Variants in GRM5 observed in about 807,000 individuals in gnomAD.
GRM5 encodes the protein glutamate metabotropic receptor 5, also known as metabotropic glutamate receptor 5.
GRM5 carries 19 observed loss-of-function variants against 83.1 expected under a neutral mutation model. The ratio of observed to expected loss-of-function variants is 0.23; its 90% confidence interval spans 0.16 to 0.34. GRM5 has a LOEUF of 0.34. Ranked by LOEUF, GRM5 falls within the 10% of genes least tolerant of loss-of-function variation. The pLI, the probability that GRM5 is intolerant of heterozygous loss-of-function variation, is 1.00. For missense variants in GRM5, 1,160 were observed against 1,588.3 expected, an observed-to-expected ratio of 0.73 and a Z score of 4.58; for synonymous variants, 675 against 633.6, an observed-to-expected ratio of 1.07 and a Z score of -0.98.
chr11:88,543,633 CT>C (rs57828466), intron 8 of GRM5, among the ~76,000 whole-genome samples: 3,128 of 133,736 alleles, frequency 0.023, 25 homozygotes, highest in Middle Eastern at 0.044. Flanking sequence ...TCATGTTATC[CT>C]TTTTTTTTTT....
chr11:88,683,292 T>C (rs1292931159), intron 3 of GRM5, among the ~76,000 whole-genome samples: 2 of 152,218 alleles, frequency 1.3e-5, no homozygotes, highest in East Asian at 3.8e-4. Flanking sequence ...TGATGTTTCC[T>C]GATTACTTGG....
At chr11:88,733,385 G>A (rs1555003928) in intron 3 of GRM5, among the ~76,000 whole-genome samples, 2 of 151,962 alleles carry the variant, frequency 1.3e-5, no homozygotes, top group Non-Finnish European at 2.9e-5. Context: ...AATTTTTCAA[G>A]TTTATATATA....
intron 2 of GRM5, among the ~76,000 whole-genome samples, chr11:89,001,914 A>G (rs896550014): frequency 7.2e-5 from 11 of 152,168 alleles, no homozygotes; most frequent in Non-Finnish European, 1.3e-4. Context: ...TTAAAACAAA[A>G]ATACTAAATC....
At chr11:88,629,268 T>C (rs549607364) in intron 4 of GRM5, among the ~76,000 whole-genome samples, 7 of 152,206 alleles carry the variant, frequency 4.6e-5, no homozygotes, top group Non-Finnish European at 1.0e-4. Flanking sequence ...TAGAATTCCA[T>C]GGCAGGGCTA....
chr11:88,569,487 A>T (rs573143086), intron 7 of GRM5, among the ~76,000 whole-genome samples: 4 of 152,368 alleles, frequency 2.6e-5, no homozygotes, highest in Admixed American at 1.3e-4. Flanking sequence ...TTGCTGTGAA[A>T]TGTGGCATAG....
At chr11:88,690,796 T>C (rs1246306595) in intron 3 of GRM5, among the ~76,000 whole-genome samples, 2 of 152,214 alleles carry the variant, frequency 1.3e-5, no homozygotes, top group Non-Finnish European at 2.9e-5. Context: ...ACAAGGTTTC[T>C]TGGCCAGAGG....
chr11:88,995,300 A>ATGC (rs1354985270), intron 2 of GRM5, among the ~76,000 whole-genome samples: 1 of 152,074 alleles, frequency 6.6e-6, no homozygotes, highest in African/African-American at 2.4e-5. Flanking sequence ...TAATCCCAGC[A>ATGC]CTTCGGGAGG....
chr11:88,703,064 C>T (rs1203436715), intron 3 of GRM5, among the ~76,000 whole-genome samples: 2 of 142,558 alleles, frequency 1.4e-5, no homozygotes, highest in Non-Finnish European at 3.1e-5. Context: ...ACTTAATTAG[C>T]AAATATTTTC....
At chr11:88,683,515 T>C (rs1940547073) in intron 3 of GRM5, among the ~76,000 whole-genome samples, 2 of 152,246 alleles carry the variant, frequency 1.3e-5, no homozygotes, top group African/African-American at 2.4e-5. Context: ...TGATAAGCTA[T>C]GCATGGAACT....
rs532119536 is a variant in GRM5 at position 88,811,946 on chromosome 11, C to T, written c.911+37960G>A. Among the ~76,000 whole-genome samples, 13 of 152,052 alleles carry T rather than the reference C, an allele frequency of 8.5e-5. No homozygotes were observed. The East Asian group carries it at 1.9e-3, about 23-fold the overall frequency. On this transcript the variant is annotated intron_variant, in intron 3 of 9. Coordinates refer to ENST00000305447, the MANE Select transcript of GRM5 (RefSeq NM_001143831.3). ...TCCCAAAAAAGGCTTTTCTCTGCAG[C>T]GTAGAGGGTAGAATTAGGTCAGTTA...
At chr11:88,582,267 A>G (rs534777598) in intron 7 of GRM5, among the ~76,000 whole-genome samples, 5 of 152,332 alleles carry the variant, frequency 3.3e-5, no homozygotes, top group African/African-American at 9.6e-5. Context: ...TTGGAACTCA[A>G]ATATGTGCTA....
intron 2 of GRM5, among the ~76,000 whole-genome samples, chr11:88,916,713 A>G (rs1225291224): frequency 6.6e-6 from 1 of 151,406 alleles, no homozygotes; most frequent in Admixed American, 6.6e-5. Flanking sequence ...CCCTCCCCCA[A>G]CTCTGGCAAC....
intron 3 of GRM5, among the ~76,000 whole-genome samples, chr11:88,757,154 GGAA>G (rs1942411187): frequency 6.6e-6 from 1 of 151,000 alleles, no homozygotes; most frequent in Non-Finnish European, 1.5e-5. Context: ...AGCAGTCAAA[GGAA>G]AAAAAACCGA....
chr11:88,880,296 A>G (rs1250277286), intron 2 of GRM5, among the ~76,000 whole-genome samples: 1 of 152,192 alleles, frequency 6.6e-6, no homozygotes, highest in African/African-American at 2.4e-5. Context: ...AGAGCACATG[A>G]ATAAATAAAA....
intron 2 of GRM5, among the ~76,000 whole-genome samples, chr11:88,877,632 G>A (rs1379307250): frequency 6.6e-6 from 1 of 151,858 alleles, no homozygotes; most frequent in Non-Finnish European, 1.5e-5. Flanking sequence ...ACCAGCCTGG[G>A]CAACATGGCA....
At chr11:88,875,085 T>TTA (rs1161072226) in intron 2 of GRM5, among the ~76,000 whole-genome samples, 3 of 151,306 alleles carry the variant, frequency 2.0e-5, no homozygotes, top group Non-Finnish European at 4.4e-5. Flanking sequence ...ATTGACTGTT[T>TTA]TTTTTTTTTC....
At chr11:88,704,949 TC>T (rs1941120378) in intron 3 of GRM5, among the ~76,000 whole-genome samples, 1 of 152,072 alleles carries the variant, frequency 6.6e-6, no homozygotes, top group Admixed American at 6.6e-5. Context: ...CTACCTCTTT[TC>T]CTTTATTTTG....
rs762059228 is a variant in GRM5 at position 88,653,192 on chromosome 11, T to C, written c.1123A>G (p.Ser375Gly). Residue 375 changes from serine (S) to glycine (G), a missense_variant, in exon 4 of 10, where the codon AGC becomes GGC. Ser to Gly is a moderately conservative substitution (Grantham distance 56, BLOSUM62 0). Transcript: ENST00000305447. ...CTATTGCAAGTCTTGTTGTATTTGCTGTTCTCCTGTGGAAACCCTTCCAGT... is the reference window on the plus strand; with the variant it reads ...CTATTGCAAGTCTTGTTGTATTTGCCGTTCTCCTGTGGAAACCCTTCCAGT... ...CRLEGFPQEN[S>G]KYNKTCNSSL... 4 of 1,605,844 alleles carry C rather than the reference T, an allele frequency of 2.5e-6. No homozygotes were observed. Among genetic ancestry groups the C allele is most frequent in the East Asian group, 4.5e-5 (2 of 44,798 alleles).
rs780370059 is a variant in GRM5, at chr11:88,590,687, G to A, written c.1604C>T (p.Thr535Ile). 2.5e-6 allele frequency: 4 copies of A among 1,609,366 alleles called. No individual in the cohort carries two copies. The highest frequency in any genetic ancestry group is 1.1e-5 in the South Asian group (1 of 90,978). ...KGEVSCCWTC[T>I]PCKENEYVFD... ...GACATACTCATTCTCCTTACAAGGT[G>A]TACAGGTCCAACAACAGCTGACTTC... The change falls in exon 7 of 10, where the codon ACA (threonine) becomes ATA (isoleucine). Residue 535 changes from threonine (T) to isoleucine (I), a missense_variant. Coordinates refer to ENST00000305447, the MANE Select transcript of GRM5 (RefSeq NM_001143831.3).
Sources: allele counts gnomAD v4.1 joint callset (sites outside exome capture counted in the v4.1 genomes callset), GRCh38; gene constraint gnomAD v4.1.1; transcripts MANE v1.5; gene names NCBI Gene and HGNC (gene_info 2026-07-23, HGNC 2026-07-21).